Variants in SVIL observed in about 807,000 individuals in gnomAD.
SVIL encodes archvillin.
A neutral mutation model predicts 240.4 loss-of-function variants in SVIL; 101 were observed. That is an observed-to-expected ratio of 0.42 (90% CI 0.36 to 0.50). The LOEUF is 0.50. Ranked by LOEUF, SVIL falls within the 20% of genes least tolerant of loss-of-function variation. The pLI, the probability that SVIL is intolerant of heterozygous loss-of-function variation, is 0.01. For missense variants in SVIL, 2,512 were observed against 2,818.7 expected (o/e 0.89, Z 2.46); for synonymous variants, 999 against 1,100.0 (o/e 0.91, Z 1.82).
At chr10:29,725,029 A>AG (rs1491209041) in intron 1 of SVIL, among the ~76,000 whole-genome samples, 2 of 57,726 alleles carry the variant, frequency 3.5e-5, no homozygotes, top group African/African-American at 9.9e-5. Flanking sequence ...ACCCGGTCTC[A>AG]AAAAAAAAAA....
At chr10:29,631,724 G>A (rs970094144) in intron 1 of SVIL, among the ~76,000 whole-genome samples, 3 of 152,130 alleles carry the variant, frequency 2.0e-5, no homozygotes, top group African/African-American at 7.2e-5. Flanking sequence ...GCAGTGAGCC[G>A]AGATTGTGCC....
intron 1 of SVIL, among the ~76,000 whole-genome samples, chr10:29,624,411 A>G (rs1322423558): frequency 6.6e-6 from 1 of 152,028 alleles, no homozygotes; most frequent in Non-Finnish European, 1.5e-5. Flanking sequence ...GGTGGCACAC[A>G]CCTGTAATCC....
In SVIL at chr10:29,533,357, A is replaced by C; in HGVS notation, c.1010T>G (p.Val337Gly). ...VTQRRHQPAP[V>G]HYVSFQSEHS... ...CTCAGACTGAAATGACACGTAATGG[A>C]CTGGCGCTGGCTGGTGTCTCCTCTG... The change falls in exon 8 of 38, where the codon GTC becomes GGC. Residue 337 changes from valine to glycine, a missense_variant. Around this residue, in one of 3 missense-constraint regions of SVIL, gnomAD observed 1,443 missense variants for 1,486.6 expected, o/e 0.97. Transcript: ENST00000355867. 6.2e-7 allele frequency: 1 copy of C among 1,614,136 alleles called. No individual in the cohort carries two copies. Among genetic ancestry groups the C allele is most frequent in the Non-Finnish European group, 8.5e-7 (1 of 1,180,036 alleles).
intron 12 of SVIL, among the ~76,000 whole-genome samples, chr10:29,529,243 C>T (rs1178326372): frequency 2.0e-5 from 2 of 101,548 alleles, no homozygotes; most frequent in South Asian, 7.2e-4. Context: ...AAGAACAAAA[C>T]AAACCTTATC....
intron 3 of SVIL, among the ~76,000 whole-genome samples, chr10:29,558,826 G>T (rs1251394552): frequency 6.6e-6 from 1 of 150,976 alleles, no homozygotes; most frequent in Non-Finnish European, 1.5e-5. Context: ...TACACGGGAG[G>T]CTGAGGCAGG....
chr10:29,616,013 G>A (rs1957415275), intron 1 of SVIL, among the ~76,000 whole-genome samples: 1 of 152,152 alleles, frequency 6.6e-6, no homozygotes, highest in Non-Finnish European at 1.5e-5. Flanking sequence ...TTATACAGAT[G>A]ACCAAATTTA....
intron 28 of SVIL, among the ~76,000 whole-genome samples, 159 bp from the exon 29 acceptor site, chr10:29,480,972 C>T (rs1224630655): frequency 6.6e-6 from 1 of 152,184 alleles, no homozygotes; most frequent in East Asian, 1.9e-4. Context: ...GGCTGCATTT[C>T]CAGAAAGACT....
At chr10:29,724,504 G>A (rs77699832) in intron 1 of SVIL, among the ~76,000 whole-genome samples, 4,223 of 151,978 alleles carry the variant, frequency 0.028, 185 homozygotes, top group African/African-American at 0.093. Context: ...TGGAAACTCA[G>A]TGTCAGGATA....
At chr10:29,550,207 C>G (rs879742831) in intron 6 of SVIL, among the ~76,000 whole-genome samples, 9 of 151,666 alleles carry the variant, frequency 5.9e-5, no homozygotes, top group Non-Finnish European at 1.3e-4. Context: ...GGAGGTCAAA[C>G]AAGAGAATCT....
intron 1 of SVIL, among the ~76,000 whole-genome samples, chr10:29,606,427 T>C (rs1191683551): frequency 6.6e-6 from 1 of 152,204 alleles, no homozygotes; most frequent in African/African-American, 2.4e-5. Flanking sequence ...CCCACCTAAA[T>C]TCAACTGCTA....
At chr10:29,546,589 T>C (rs139045192) in intron 6 of SVIL, among the ~76,000 whole-genome samples, 33 of 152,264 alleles carry the variant, frequency 2.2e-4, no homozygotes, top group African/African-American at 7.9e-4. Flanking sequence ...GAGTACAGTA[T>C]AGTGAAGTAT....
intron 1 of SVIL, among the ~76,000 whole-genome samples, chr10:29,708,386 C>T (rs1589554620): frequency 1.3e-5 from 2 of 151,744 alleles, no homozygotes; most frequent in African/African-American, 4.8e-5. Flanking sequence ...TTTGGGAGGC[C>T]GAGGTGGGCG....
chr10:29,673,638 T>C (rs557606086), intron 2 of SVIL, among the ~76,000 whole-genome samples: 1 of 151,168 alleles, frequency 6.6e-6, no homozygotes, highest in South Asian at 2.1e-4. Context: ...TTTTAAACCA[T>C]CAGATCTTGC....
At chr10:29,492,485 G>A (rs1010145136) in intron 21 of SVIL, among the ~76,000 whole-genome samples, 1 of 152,066 alleles carries the variant, frequency 6.6e-6, no homozygotes, top group Admixed American at 6.5e-5. Flanking sequence ...TGTTCAGCGC[G>A]TGAGCCAGTA....
At chr10:29,720,125 G>A (rs933097355) in intron 1 of SVIL, among the ~76,000 whole-genome samples, 3 of 152,170 alleles carry the variant, frequency 2.0e-5, no homozygotes, top group African/African-American at 4.8e-5. Context: ...GGAAGACTGA[G>A]CCCAAGAGTT....
At chr10:29,690,123 T>C (rs1330998469) in intron 1 of SVIL, among the ~76,000 whole-genome samples, 5 of 152,222 alleles carry the variant, frequency 3.3e-5, no homozygotes, top group Non-Finnish European at 7.3e-5. Flanking sequence ...GTGATGTAAA[T>C]GTCAATTGTG....
chr10:29,710,834 C>A (rs1021444405), intron 1 of SVIL, among the ~76,000 whole-genome samples: 1 of 151,708 alleles, frequency 6.6e-6, no homozygotes, highest in African/African-American at 2.4e-5. Context: ...AAATATATTT[C>A]AAAAAAAATC....
intron 1 of SVIL, among the ~76,000 whole-genome samples, chr10:29,729,443 T>A (rs7088354): frequency 0.81 from 120,503 of 149,364 alleles, 48,971 homozygotes; most frequent in East Asian, 0.95. Context: ...GCCTCTGTGT[T>A]TATGGAGGTG....
chr10:29,567,187 C>T (rs1003320359), intron 2 of SVIL, among the ~76,000 whole-genome samples: 7 of 152,066 alleles, frequency 4.6e-5, no homozygotes, highest in East Asian at 1.9e-4. Context: ...TTCTTTTAAA[C>T]GTGTCCCGTT....
Sources: gnomAD v4.1 joint callset for allele counts (sites outside exome capture counted in the v4.1 genomes callset) on GRCh38, gnomAD v4.1.1 for gene constraint, gnomAD v4.1.1 regional missense constraint, MANE v1.5 for transcripts, NCBI Gene and HGNC (gene_info 2026-07-23, HGNC 2026-07-21) for gene names.